FGGY: variants seen among roughly 807,000 people sequenced by gnomAD.
FGGY encodes FGGY carbohydrate kinase domain containing.
Under a neutral mutation model 71.3 loss-of-function variants are expected in FGGY, and 72 were observed. The observed-to-expected ratio is 1.01, with a 90% CI of 0.84 to 1.23. FGGY has a LOEUF of 1.23. FGGY is among the 50% of genes most tolerant of loss of function. The pLI is 0.00. For synonymous variants in FGGY, 251 were observed against 250.3 expected, an observed-to-expected ratio of 1.00 and a Z score of -0.02; for missense variants, 668 against 682.3, an observed-to-expected ratio of 0.98 and a Z score of 0.23.
intron 8 of FGGY, among the ~76,000 whole-genome samples, chr1:59,584,546 A>G (rs76842158): frequency 0.13 from 19,290 of 149,668 alleles, 2,178 homozygotes; most frequent in South Asian, 0.31. Flanking sequence ...ATCTATGACA[A>G]ACCCACAGCC....
chr1:59,596,168 A>C (rs2096521482), intron 8 of FGGY, among the ~76,000 whole-genome samples: 1 of 152,142 alleles, frequency 6.6e-6, no homozygotes, highest in East Asian at 1.9e-4. Context: ...AAATTCATTT[A>C]AATAGAAAAA....
At chr1:59,586,435 C>T (rs1012001049) in intron 8 of FGGY, among the ~76,000 whole-genome samples, 1 of 152,058 alleles carries the variant, frequency 6.6e-6, no homozygotes, top group Admixed American at 6.6e-5. Flanking sequence ...CATGTTCTCA[C>T]TCATAGGTGG....
chr1:59,750,433 A>G (rs1314274586), intron 14 of FGGY, among the ~76,000 whole-genome samples: 1 of 151,952 alleles, frequency 6.6e-6, no homozygotes, highest in Non-Finnish European at 1.5e-5. Context: ...AAGGTGAAAT[A>G]CAAAGATATT....
chr1:59,609,005 G>C (rs1025195602), intron 9 of FGGY, among the ~76,000 whole-genome samples: 6 of 152,224 alleles, frequency 3.9e-5, no homozygotes, highest in African/African-American at 1.4e-4. Context: ...ACACGGTACA[G>C]AGTTGGCACA....
chr1:59,376,968 A>G (rs1036259177), intron 4 of FGGY, among the ~76,000 whole-genome samples: 1 of 152,198 alleles, frequency 6.6e-6, no homozygotes, highest in Non-Finnish European at 1.5e-5. Context: ...TTCCATTCAT[A>G]GGCAGAAGTG....
At position 59,762,548 on chromosome 1, in the gene FGGY, C is replaced by G. The variant is rs2098351884; in HGVS notation, c.1620C>G (p.His540Gln). The stretch of plus-strand genomic sequence containing the variant: ...AAGTATTCCTGAAGCTGGTTGAACA[C>G]CAGAAGGAGTATTTGGCGATCATGA... ...KYQVFLKLVE[H>Q]QKEYLAIMND... is the part of the protein sequence containing the mutation. Residue 540 changes from histidine (H) to glutamine (Q), a missense_variant, in exon 16 of 16, where the codon CAC becomes CAG. Physicochemically the swap from His to Gln is conservative, Grantham distance 24. This residue lies in a region of FGGY where 661 missense variants were observed against 661.6 expected (regional missense o/e 1.00). Coordinates refer to ENST00000303721, the MANE Select transcript of FGGY (RefSeq NM_018291.5). The G allele has an allele frequency of 6.2e-7, 1 of 1,613,854 alleles. No homozygotes were observed. Among genetic ancestry groups the G allele is most frequent in the Non-Finnish European group, 8.5e-7 (1 of 1,179,846 alleles).
At chr1:59,331,622 C>T (rs2048503470) in intron 2 of FGGY, among the ~76,000 whole-genome samples, 1 of 152,068 alleles carries the variant, frequency 6.6e-6, no homozygotes, top group Admixed American at 6.5e-5. Flanking sequence ...TGCTAGTATA[C>T]TATATCTACA....
At chr1:59,534,554 G>T (rs981805282) in intron 7 of FGGY, among the ~76,000 whole-genome samples, 2 of 152,078 alleles carry the variant, frequency 1.3e-5, no homozygotes, top group African/African-American at 4.8e-5. Context: ...TTGAAATGAA[G>T]GAAAAAATGT....
At chr1:59,672,109 T>A (rs1265022010) in intron 13 of FGGY, among the ~76,000 whole-genome samples, 16 of 152,132 alleles carry the variant, frequency 1.1e-4, no homozygotes, top group Admixed American at 1.0e-3. Context: ...TCTGTATCAT[T>A]CCTAGGATTC....
chr1:59,474,951 T>C (rs368738371), intron 6 of FGGY, among the ~76,000 whole-genome samples: 6 of 152,184 alleles, frequency 3.9e-5, no homozygotes, highest in Admixed American at 2.6e-4. Flanking sequence ...ATCATGAGGA[T>C]GAAAGGTAAT....
At chr1:59,369,343 G>C (rs1007258768) in intron 4 of FGGY, among the ~76,000 whole-genome samples, 2 of 152,228 alleles carry the variant, frequency 1.3e-5, no homozygotes, top group Non-Finnish European at 2.9e-5. Flanking sequence ...ACTGCAAGGC[G>C]GCAGCGAGGC....
At position 59,557,411 on chromosome 1, in the gene FGGY, A is replaced by G. The variant is rs551930184; in HGVS notation, c.903+3184A>G. The stretch of plus-strand genomic sequence containing the variant: ...CTTTCTAGATCACCCAAAAAGAATA[A>G]ATGAATGAACGAATGACCACATAAG... On this transcript the variant is annotated intron_variant, in intron 8 of 15. Coordinates refer to ENST00000303721, the MANE Select transcript of FGGY (RefSeq NM_018291.5). Among the ~76,000 whole-genome samples the G allele has an allele frequency of 2.6e-5, 4 of 152,326 alleles. No individual in the cohort carries two copies. The South Asian group carries it at 8.3e-4, about 32-fold the overall frequency.
intron 14 of FGGY, chr1:59,697,874 T>C (rs1167578051): frequency 7.5e-6 from 3 of 398,882 alleles, no homozygotes; most frequent in Non-Finnish European, 1.3e-5. Context: ...AAAGTGGGTT[T>C]TCAAATAAGA....
At chr1:59,415,971 G>A (rs1257878068) in intron 5 of FGGY, among the ~76,000 whole-genome samples, 1 of 152,164 alleles carries the variant, frequency 6.6e-6, no homozygotes, top group African/African-American at 2.4e-5. Context: ...CCCATGGAGA[G>A]GTATATTACA....
At chr1:59,634,927 T>G (rs1348042975) in intron 10 of FGGY, among the ~76,000 whole-genome samples, 1 of 152,182 alleles carries the variant, frequency 6.6e-6, no homozygotes, top group Non-Finnish European at 1.5e-5. Flanking sequence ...AACTATATTT[T>G]CTTCATGATA....
intron 4 of FGGY, among the ~76,000 whole-genome samples, chr1:59,348,095 C>T (rs1389938121): frequency 2.0e-5 from 3 of 151,996 alleles, no homozygotes; most frequent in Middle Eastern, 3.4e-3. Context: ...ACAATGAACT[C>T]AAACAAATTT....
At chr1:59,467,880 C>A (rs1027570235) in intron 6 of FGGY, among the ~76,000 whole-genome samples, 4 of 149,710 alleles carry the variant, frequency 2.7e-5, no homozygotes, top group Non-Finnish European at 5.9e-5. Flanking sequence ...TCAATTGTTT[C>A]TTTCTTGTTT....
chr1:59,361,976 A>G (rs918213006), intron 4 of FGGY, among the ~76,000 whole-genome samples: 1 of 152,146 alleles, frequency 6.6e-6, no homozygotes, highest in Non-Finnish European at 1.5e-5. Context: ...GACATCAGCC[A>G]TGACTTCATT....
chr1:59,486,335 C>A (rs953069191), intron 6 of FGGY, among the ~76,000 whole-genome samples: 16 of 152,136 alleles, frequency 1.1e-4, no homozygotes, highest in African/African-American at 3.4e-4. Context: ...TCCCTGGAAC[C>A]AAGTGGCAAT....
Sources: allele counts gnomAD v4.1 joint callset (sites outside exome capture counted in the v4.1 genomes callset), GRCh38; gene constraint gnomAD v4.1.1; regional missense constraint gnomAD v4.1.1; transcripts MANE v1.5; gene names NCBI Gene and HGNC (gene_info 2026-07-23, HGNC 2026-07-21).